The following PCDHA6 variants were observed in gnomAD, a reference collection of about 807,000 sequenced individuals.
PCDHA6 encodes protocadherin alpha-6.
A neutral mutation model predicts 60.3 loss-of-function variants in PCDHA6; 55 were observed. That is an observed-to-expected ratio of 0.91 (90% CI 0.73 to 1.14). PCDHA6 has a LOEUF of 1.14. PCDHA6 is among the 50% of genes most tolerant of loss of function. PCDHA6 has a pLI of 0.00. For missense variants in PCDHA6, 1,327 were observed against 1,256.5 expected, an observed-to-expected ratio of 1.06 and a Z score of -0.85; for synonymous variants, 652 against 557.9, an observed-to-expected ratio of 1.17 and a Z score of -2.38.
chr5:140,968,373 C>T (rs1554230649), intron 1 of PCDHA6: 1 of 1,614,034 alleles, frequency 6.2e-7, no homozygotes, highest in African/African-American at 1.3e-5. Context: ...GCTGTCAACT[C>T]CTTTGACTAT....
intron 1 of PCDHA6, among the ~76,000 whole-genome samples, chr5:140,890,587 G>T (rs2062701287): frequency 6.6e-6 from 1 of 151,988 alleles, no homozygotes; most frequent in African/African-American, 2.4e-5. Flanking sequence ...TTATTTGGAA[G>T]CCCTTTTCCG....
chr5:140,853,424 G>C lies in PCDHA6; in HGVS notation c.2394+22939G>C, dbSNP rs112620213. On this transcript the variant is annotated intron_variant, in intron 1 of 3. Transcript: ENST00000529310. ...AAAACAGAGAGGTGAAAGCAGAAGA[G>C]ACACTTTCCTATTTTGCCTAATAGG... 9 of 986,044 alleles carry C rather than the reference G, an allele frequency of 9.1e-6. 1 individual carries two copies. In the African/African-American group the frequency reaches 1.4e-4, roughly 15 times the overall value. 61.1% of individuals were successfully genotyped at this position (986,044 alleles called of 1,614,324 possible).
Position 140,936,735 on chromosome 5 carries a change from A to G in PCDHA6, c.2395-42214A>G, listed in dbSNP as rs75635765. 5.4e-3 allele frequency among the ~76,000 whole-genome samples: 829 copies of G among 152,226 alleles called. 3 individuals carry two copies. The highest frequency in any genetic ancestry group is 0.019 in the African/African-American group (798 of 41,528). ...AATACATTCTGTGTTAAATATAGTA[A>G]CTTTTCATTTGTATTGATATCTAAT... On this transcript the variant is annotated intron_variant, in intron 1 of 3. Coordinates refer to ENST00000529310, the MANE Select transcript of PCDHA6 (RefSeq NM_018909.4).
intron 1 of PCDHA6, among the ~76,000 whole-genome samples, chr5:140,895,738 C>A (rs1554186621): frequency 6.6e-6 from 1 of 152,108 alleles, no homozygotes; most frequent in Non-Finnish European, 1.5e-5. Context: ...CAATGGGCTG[C>A]AAAGGGCATG....
At chr5:140,851,475 T>C (rs1554145417) in intron 1 of PCDHA6, 2 of 890,456 alleles carry the variant, frequency 2.2e-6, no homozygotes, top group African/African-American at 3.6e-5. Flanking sequence ...CAATAAATGT[T>C]ATAAACACAG....
At chr5:140,869,788 T>C (rs782425741) in intron 1 of PCDHA6, 4 of 1,612,892 alleles carry the variant, frequency 2.5e-6, no homozygotes, top group African/African-American at 1.3e-5. Context: ...CGTTCGGCTG[T>C]TAGTCCAAGT....
At chr5:140,942,916 A>G (rs2093393160) in intron 1 of PCDHA6, among the ~76,000 whole-genome samples, 1 of 152,158 alleles carries the variant, frequency 6.6e-6, no homozygotes, top group Non-Finnish European at 1.5e-5. Context: ...GCGTGAAGAA[A>G]AAAAAAATTG....
chr5:140,857,035 G>A (rs1358871197), intron 1 of PCDHA6: 4 of 1,596,218 alleles, frequency 2.5e-6, no homozygotes, highest in Non-Finnish European at 3.4e-6. Context: ...ACCCACCTAT[G>A]GTTGGTCACT....
intron 3 of PCDHA6, among the ~76,000 whole-genome samples, chr5:140,984,667 T>A (rs1554246463): frequency 6.6e-6 from 1 of 152,160 alleles, no homozygotes; most frequent in Non-Finnish European, 1.5e-5. Flanking sequence ...TACTTTTAGG[T>A]TTTTAGGACT....
intron 3 of PCDHA6, among the ~76,000 whole-genome samples, chr5:141,007,300 T>C (rs185284872): frequency 6.6e-6 from 1 of 151,058 alleles, no homozygotes; most frequent in Admixed American, 6.6e-5. Context: ...CCTGTAATCT[T>C]AGCATTTTGG....
At chr5:140,916,550 A>G (rs1355799677) in intron 1 of PCDHA6, among the ~76,000 whole-genome samples, 5 of 152,052 alleles carry the variant, frequency 3.3e-5, no homozygotes, top group Admixed American at 1.3e-4. Flanking sequence ...TGGGTTTTCT[A>G]TTTGTCCAGG....
chr5:140,974,832 T>C (rs114216401), intron 1 of PCDHA6, among the ~76,000 whole-genome samples: 60 of 152,346 alleles, frequency 3.9e-4, no homozygotes, highest in African/African-American at 1.4e-3. Context: ...ATAATGATTA[T>C]TTTAAATGTT....
chr5:140,870,693 A>C, intron 1 of PCDHA6: 1 of 1,612,950 alleles, frequency 6.2e-7, no homozygotes, highest in Non-Finnish European at 8.5e-7. Context: ...TGGAGCTGCT[A>C]CAGTTCCAGG....
At chr5:140,929,391 A>G in intron 1 of PCDHA6, 1 of 1,511,404 alleles carries the variant, frequency 6.6e-7, no homozygotes, top group South Asian at 1.4e-5. Flanking sequence ...GTTTTGAAAT[A>G]TTTCTTAGAC....
chr5:140,927,946 G>A (rs1341193072), intron 1 of PCDHA6: 1 of 1,614,096 alleles, frequency 6.2e-7, no homozygotes, highest in East Asian at 2.2e-5. Context: ...AGTACCTGAG[G>A]ACGCTGCCCC....
At chr5:140,856,434 C>G (rs551569829) in intron 1 of PCDHA6, 1 of 1,598,320 alleles carries the variant, frequency 6.3e-7, no homozygotes, top group South Asian at 1.1e-5. Context: ...AACGACAACC[C>G]GCCCAGGTTC....
intron 1 of PCDHA6, chr5:140,836,420 G>A: frequency 6.2e-7 from 1 of 1,613,810 alleles, no homozygotes. Context: ...CAAAGGCGTC[G>A]TCGCGGGCAT....
intron 1 of PCDHA6, among the ~76,000 whole-genome samples, chr5:140,907,596 G>A (rs1554193068): frequency 2.0e-5 from 3 of 152,214 alleles, no homozygotes; most frequent in African/African-American, 7.2e-5. Flanking sequence ...ATCACCCTGA[G>A]GAATGGTGCC....
chr5:140,897,345 C>A (rs1291203410), intron 1 of PCDHA6, among the ~76,000 whole-genome samples: 2 of 126,562 alleles, frequency 1.6e-5, no homozygotes, highest in African/African-American at 6.0e-5. Flanking sequence ...CCCCCCACCC[C>A]ACAACTGTCC....
Sources: gnomAD v4.1 joint callset for allele counts (sites outside exome capture counted in the v4.1 genomes callset) on GRCh38, gnomAD v4.1.1 for gene constraint, MANE v1.5 for transcripts, NCBI Gene and HGNC (gene_info 2026-07-23, HGNC 2026-07-21) for gene names.